Variants in ZBTB46 observed in about 807,000 individuals in gnomAD.
ZBTB46 encodes the protein zinc finger and BTB domain containing 46.
A neutral mutation model predicts 44.1 loss-of-function variants in ZBTB46; 8 were observed. The observed-to-expected ratio is 0.18, with a 90% CI of 0.11 to 0.33. ZBTB46 has a LOEUF of 0.33. Ranked by LOEUF, ZBTB46 falls within the 10% of genes least tolerant of loss-of-function variation. ZBTB46 has a pLI of 1.00. For missense variants in ZBTB46, 651 were observed against 847.7 expected, an observed-to-expected ratio of 0.77 and a Z score of 2.88; for synonymous variants, 409 against 382.3, an observed-to-expected ratio of 1.07 and a Z score of -0.81.
chr20:63,814,349 G>A (rs73143584), intron 1 of ZBTB46, among the ~76,000 whole-genome samples: 10,987 of 152,206 alleles, frequency 0.072, 582 homozygotes, highest in Middle Eastern at 0.13. Context: ...GCCAGGCGAC[G>A]TGGACGTTCT....
chr20:63,789,783 T>G (rs200802486), intron 2 of ZBTB46, 38 bp downstream of exon 2: 4 of 1,573,578 alleles, frequency 2.5e-6, no homozygotes, highest in Admixed American at 3.4e-5. Context: ...CTGGACACAC[T>G]GGGGCAGCTG....
At position 63,787,096 on chromosome 20, in the gene ZBTB46, T is replaced by C. The variant is rs890019915; in HGVS notation, c.937+2725A>G. On this transcript the variant is annotated intron_variant, in intron 2 of 4. Coordinates refer to ENST00000245663, the MANE Select transcript of ZBTB46 (RefSeq NM_001369741.1). The surrounding 1 kb of genome is among the most constrained non-coding windows in gnomAD (Gnocchi z 4.6). Reference sequence around the variant, plus strand: ...TGGGGTAGAGGCAAGAGGAAGGTACTGTATGACGGATACAGTTTCCCTTTG... The same window carrying C: ...TGGGGTAGAGGCAAGAGGAAGGTACCGTATGACGGATACAGTTTCCCTTTG... Among the ~76,000 whole-genome samples the C allele has an allele frequency of 2.0e-5, 3 of 152,204 alleles. No individual in the cohort carries two copies. The highest frequency in any genetic ancestry group is 6.5e-5 in the Admixed American group (1 of 15,276).
chr20:63,831,926 G>T (rs992823026), upstream of ZBTB46, among the ~76,000 whole-genome samples: 1 of 151,912 alleles, frequency 6.6e-6, no homozygotes, highest in Non-Finnish European at 1.5e-5. Context: ...GTCTGGAAGG[G>T]CCTGGGCACC....
intron 2 of ZBTB46, among the ~76,000 whole-genome samples, chr20:63,785,148 T>G (rs1601463556): frequency 7.1e-6 from 1 of 140,738 alleles, no homozygotes; most frequent in Non-Finnish European, 1.5e-5. Context: ...AGGAGAATGA[T>G]GTGAACCTGG....
chr20:63,746,902 C>A lies in ZBTB46; in HGVS notation c.*28G>T. On this transcript the variant is annotated 3_prime_UTR_variant, in exon 5 of 5. Coordinates refer to ENST00000245663, the MANE Select transcript of ZBTB46 (RefSeq NM_001369741.1). ...ACACACACGGGTGGACGGAGCGAGG[C>A]AGCCACCGACCCTGCCGGCGGGCGG... is the stretch of plus-strand genomic sequence containing the variant. 1 of 1,494,770 alleles carries A rather than the reference C, an allele frequency of 6.7e-7. No individual in the cohort carries two copies. Among genetic ancestry groups the A allele is most frequent in the East Asian group, 2.4e-5 (1 of 41,680 alleles). 92.6% of individuals were successfully genotyped at this position (1,494,770 alleles called of 1,614,324 possible). A position where few individuals can be genotyped will look rare whatever the true frequency, so the allele number is the denominator to read the frequency against.
chr20:63,802,434 G>A (rs1220755234), intron 1 of ZBTB46, among the ~76,000 whole-genome samples: 1 of 150,258 alleles, frequency 6.7e-6, no homozygotes, highest in Non-Finnish European at 1.5e-5. Flanking sequence ...AAAAAACAAT[G>A]AGGTTACTGG....
intron 2 of ZBTB46, among the ~76,000 whole-genome samples, chr20:63,786,057 C>T (rs34157395): frequency 0.01 from 1,530 of 152,342 alleles, 13 homozygotes; most frequent in Non-Finnish European, 0.015. Flanking sequence ...CAGCGAGTTA[C>T]GTGCACGCAC....
intron 1 of ZBTB46, among the ~76,000 whole-genome samples, chr20:63,820,720 C>A (rs1196325830): frequency 1.3e-5 from 2 of 152,044 alleles, no homozygotes; most frequent in East Asian, 3.9e-4. Context: ...GCGTGAGCCA[C>A]CGCGCCCAGC....
At chr20:63,786,689 T>C (rs2092517451) in intron 2 of ZBTB46, among the ~76,000 whole-genome samples, 2 of 152,116 alleles carry the variant, frequency 1.3e-5, no homozygotes, top group South Asian at 4.1e-4. Flanking sequence ...CTTTTGTATA[T>C]TTAGTAGAGA....
chr20:63,816,702 C>T (rs1240969272), intron 1 of ZBTB46, among the ~76,000 whole-genome samples: 4 of 152,134 alleles, frequency 2.6e-5, no homozygotes, highest in East Asian at 3.8e-4. Context: ...AACCTGCAAA[C>T]GTGACCTTAT....
chr20:63,760,143 G>A (rs2092260654), intron 3 of ZBTB46, among the ~76,000 whole-genome samples: 1 of 152,222 alleles, frequency 6.6e-6, no homozygotes, highest in Non-Finnish European at 1.5e-5. Flanking sequence ...AGATAGGCTG[G>A]AGACTGTTCC....
intron 3 of ZBTB46, among the ~76,000 whole-genome samples, chr20:63,771,528 T>G (rs2092372852): frequency 2.0e-5 from 3 of 152,054 alleles, no homozygotes; most frequent in Admixed American, 1.3e-4. Context: ...TCTCCCCCGA[T>G]CAGCGTCCAC....
At position 63,760,189 on chromosome 20, in the gene ZBTB46, G is replaced by A. The variant is rs144059667; in HGVS notation, c.1223-7328C>T. ...TATTTGGAAGATATGTCTAACGTTG[G>A]CGTCATTTTCTTCCGTTAAAATTGG... On this transcript the variant is annotated intron_variant, in intron 3 of 4. Transcript: ENST00000245663. Among the ~76,000 whole-genome samples, 5 of 152,232 alleles carry A rather than the reference G, an allele frequency of 3.3e-5. No homozygotes were observed. The East Asian group carries it at 7.7e-4, about 23-fold the overall frequency.
chr20:63,811,728 T>C (rs2092718766), intron 1 of ZBTB46, among the ~76,000 whole-genome samples: 1 of 152,050 alleles, frequency 6.6e-6, no homozygotes, highest in African/African-American at 2.4e-5. Context: ...GCTGCTGCTG[T>C]CTGACTCCCT....
chr20:63,774,152 C>T (rs2092401058), intron 3 of ZBTB46, among the ~76,000 whole-genome samples: 1 of 146,056 alleles, frequency 6.8e-6, no homozygotes, highest in African/African-American at 2.5e-5. Context: ...CTGTGCAGTG[C>T]TCAGCCCTGA....
At chr20:63,772,722 A>AAAC (rs760273455) in intron 3 of ZBTB46, among the ~76,000 whole-genome samples, 1 of 20,258 alleles carries the variant, frequency 4.9e-5, no homozygotes, top group Non-Finnish European at 9.3e-5. Flanking sequence ...CTGTCTCAAA[A>AAAC]ACACACACAC....
rs145847442 is a variant in ZBTB46 at position 63,775,228 on chromosome 20, G to A, written c.1222+450C>T. ...TCATCCAGCGAAGGCAACGCAAGGCGAGGCCCCCAAGTGCAATCGGCTCGC... is the reference window on the plus strand; with the variant it reads ...TCATCCAGCGAAGGCAACGCAAGGCAAGGCCCCCAAGTGCAATCGGCTCGC... On this transcript the variant is annotated intron_variant, in intron 3 of 4. Transcript: ENST00000245663. The A allele has an allele frequency of 1.3e-3, 211 of 161,814 alleles. 1 individual carries two copies. The East Asian group carries it at 0.035, about 27-fold the overall frequency. 10.0% of individuals were successfully genotyped at this position (161,814 alleles called of 1,614,324 possible).
upstream of ZBTB46, among the ~76,000 whole-genome samples, chr20:63,832,071 C>T (rs570285675): frequency 5.3e-4 from 81 of 151,912 alleles, no homozygotes; most frequent in African/African-American, 1.6e-3. This position sits in a 1 kb window ranked among gnomAD's most constrained non-coding sequence, Gnocchi z 5.0. Context: ...TGGGTCCCTC[C>T]CGTCGTGTTG....
intron 3 of ZBTB46, among the ~76,000 whole-genome samples, chr20:63,774,236 A>G (rs1398237741): frequency 3.9e-5 from 6 of 152,130 alleles, no homozygotes; most frequent in Non-Finnish European, 7.4e-5. Flanking sequence ...GGGAAGGTGA[A>G]CACCACTTTC....
Sources: allele counts gnomAD v4.1 joint callset (sites outside exome capture counted in the v4.1 genomes callset), GRCh38; gene constraint gnomAD v4.1.1; non-coding constraint Gnocchi (gnomAD v3.1); transcripts MANE v1.5; gene names NCBI Gene and HGNC (gene_info 2026-07-23, HGNC 2026-07-21).